DGKD: variants seen among roughly 807,000 people sequenced by gnomAD.
DGKD encodes the protein DAG kinase delta.
A neutral mutation model predicts 154.4 loss-of-function variants in DGKD; 68 were observed. That is an observed-to-expected ratio of 0.44 (90% CI 0.36 to 0.54). The LOEUF (loss-of-function observed/expected upper bound fraction) is 0.54, where lower values mean the gene tolerates loss of function less well. Ranked by LOEUF, DGKD falls within the 20% of genes least tolerant of loss-of-function variation. DGKD has a pLI of 0.00. For missense variants in DGKD, 1,343 were observed against 1,593.6 expected (o/e 0.84, Z 2.68); for synonymous variants, 693 against 638.0 (o/e 1.09, Z -1.30).
At chr2:233,356,182 G>A (rs1559464431) in intron 1 of DGKD, among the ~76,000 whole-genome samples, 1 of 152,192 alleles carries the variant, frequency 6.6e-6, no homozygotes, top group Non-Finnish European at 1.5e-5. Flanking sequence ...GGTAAGAAAT[G>A]GCCTTCTACA....
At chr2:233,406,753 CGAG>C in intron 3 of DGKD, among the ~76,000 whole-genome samples, 1 of 152,272 alleles carries the variant, frequency 6.6e-6, no homozygotes, top group Non-Finnish European at 1.5e-5. Context: ...ACAGAACAGA[CGAG>C]GAGCTCTTGT....
chr2:233,408,399 TG>T (rs1301713999), intron 3 of DGKD, among the ~76,000 whole-genome samples: 2 of 152,270 alleles, frequency 1.3e-5, no homozygotes, highest in African/African-American at 4.8e-5. Flanking sequence ...CTGCAACTGC[TG>T]GCCCAGGTCT....
intron 5 of DGKD, among the ~76,000 whole-genome samples, chr2:233,435,504 T>G (rs559077818): frequency 6.6e-6 from 1 of 152,316 alleles, no homozygotes; most frequent in South Asian, 2.1e-4. Flanking sequence ...TAAAAAAACA[T>G]TGTCTCTGGC....
intron 1 of DGKD, among the ~76,000 whole-genome samples, chr2:233,363,296 G>A (rs1033562038): frequency 1.3e-5 from 2 of 150,832 alleles, no homozygotes; most frequent in Non-Finnish European, 1.5e-5. Flanking sequence ...TAATGTGTGT[G>A]TTTGTTTCTT....
chr2:233,443,845 A>G (rs1220619119), intron 10 of DGKD, among the ~76,000 whole-genome samples: 1 of 152,228 alleles, frequency 6.6e-6, no homozygotes, highest in Non-Finnish European at 1.5e-5. Context: ...ACGTTCAGCC[A>G]AGGTCAGCAC....
intron 7 of DGKD, 68 bp from the exon 8 acceptor site, chr2:233,437,309 G>T: frequency 6.9e-7 from 1 of 1,443,884 alleles, no homozygotes; most frequent in East Asian, 2.3e-5. Flanking sequence ...CAGCTACAGG[G>T]CAGGAGGATT....
intron 26 of DGKD, among the ~76,000 whole-genome samples, chr2:233,463,347 TCTCA>T (rs1396421172): frequency 7.0e-6 from 1 of 143,454 alleles, no homozygotes; most frequent in Non-Finnish European, 1.5e-5. Context: ...ACTGCACGCA[TCTCA>T]CTCCACACAT....
intron 3 of DGKD, among the ~76,000 whole-genome samples, chr2:233,421,862 C>T (rs975587201): frequency 6.6e-6 from 1 of 152,214 alleles, no homozygotes; most frequent in South Asian, 2.1e-4. Flanking sequence ...TTTCTGTTTG[C>T]TCAAGTGAAA....
Position 233,457,300 on chromosome 2 carries a change from A to C in DGKD, c.2552A>C (p.Asn851Thr). The C allele has an allele frequency of 6.5e-7, 1 of 1,532,994 alleles. No individual in the cohort carries two copies. The highest frequency in any genetic ancestry group is 8.8e-7 in the Non-Finnish European group (1 of 1,140,088). 95.0% of individuals were successfully genotyped at this position (1,532,994 alleles called of 1,614,324 possible). ...LNIPSYAGGT[N>T]FWGGTKEDDT... ...ATTCCCAGCTATGCCGGAGGAACCA[A>C]CTTCTGGGGGGGTACCAAGGAAGAT... The change falls in exon 21 of 30, where the codon AAC (asparagine) becomes ACC (threonine). Residue 851 changes from asparagine (N) to threonine (T), a missense_variant. Around this residue, in one of 6 missense-constraint regions of DGKD, gnomAD observed 429 missense variants for 496.3 expected, o/e 0.86. Coordinates refer to ENST00000264057, the MANE Select transcript of DGKD (RefSeq NM_152879.3). This position sits in a 1 kb window ranked among gnomAD's most constrained non-coding sequence, Gnocchi z 5.5.
rs1559548210 is a variant in DGKD at position 233,438,127 on chromosome 2, T to TA, written c.923-90_923-89insA. 1.5e-5 allele frequency: 22 copies of TA among 1,448,528 alleles called. No individual in the cohort carries two copies. The highest frequency in any genetic ancestry group is 1.9e-5 in the Non-Finnish European group (20 of 1,055,512). 89.7% of individuals were successfully genotyped at this position (1,448,528 alleles called of 1,614,324 possible). A position where few individuals can be genotyped will look rare whatever the true frequency, so the allele number is the denominator to read the frequency against. On this transcript the variant is annotated intron_variant, in intron 8 of 29. Coordinates refer to ENST00000264057, the MANE Select transcript of DGKD (RefSeq NM_152879.3). This position sits in a 1 kb window ranked among gnomAD's most constrained non-coding sequence, Gnocchi z 4.1. Reference sequence around the variant, plus strand: ...GTGCATGTGTCAGGTGTGTGTCCTTTGGGGGGGTCTGCTGCTGCTGATTCC... The same window carrying TA: ...GTGCATGTGTCAGGTGTGTGTCCTTTAGGGGGGGTCTGCTGCTGCTGATTCC...
At chr2:233,355,955 G>A (rs1701515525) in intron 1 of DGKD, among the ~76,000 whole-genome samples, 1 of 152,232 alleles carries the variant, frequency 6.6e-6, no homozygotes, top group South Asian at 2.1e-4. Context: ...GGTCGTAAAT[G>A]TGGATGTGTG....
chr2:233,441,727 T>C lies in DGKD; in HGVS notation c.1086-160T>C, dbSNP rs2062896908. 6.6e-6 allele frequency among the ~76,000 whole-genome samples: 1 copy of C among 151,950 alleles called. No homozygotes were observed. Among genetic ancestry groups the C allele is most frequent in the Admixed American group, 6.6e-5 (1 of 15,256 alleles). On this transcript the variant is annotated intron_variant, in intron 9 of 29. Transcript: ENST00000264057. This position sits in a 1 kb window ranked among gnomAD's most constrained non-coding sequence, Gnocchi z 5.6. ...TCCCTTTGACAAAGTGGACCCTGAG[T>C]GGAGGCGGCTGGTGTCACGTGGCAG... is the stretch of plus-strand genomic sequence containing the variant.
chr2:233,433,311 CTTAATG>C (rs1488041833), intron 3 of DGKD, among the ~76,000 whole-genome samples: 1 of 151,958 alleles, frequency 6.6e-6, no homozygotes, highest in African/African-American at 2.4e-5. Context: ...CAGGAGGACC[CTTAATG>C]TTAAGTGAAG....
At chr2:233,396,362 C>A (rs955209546) in intron 3 of DGKD, among the ~76,000 whole-genome samples, 16 of 152,140 alleles carry the variant, frequency 1.1e-4, no homozygotes, top group African/African-American at 3.9e-4. Flanking sequence ...TTGTCTTGTT[C>A]TTTGGGAATT....
At chr2:233,385,330 A>G (rs1703115745) in intron 1 of DGKD, among the ~76,000 whole-genome samples, 1 of 152,086 alleles carries the variant, frequency 6.6e-6, no homozygotes, top group South Asian at 2.1e-4. Flanking sequence ...TGCTCTCGCC[A>G]ACTTCCTCTG....
chr2:233,454,473 GGA>G (rs767416402), intron 18 of DGKD: 2 of 490,592 alleles, frequency 4.1e-6, no homozygotes, highest in Non-Finnish European at 8.3e-6. Context: ...TGGTGAGGAT[GGA>G]GAGTTAGTTG....
At chr2:233,422,616 T>C (rs2062157336) in intron 3 of DGKD, among the ~76,000 whole-genome samples, 1 of 152,220 alleles carries the variant, frequency 6.6e-6, no homozygotes, top group African/African-American at 2.4e-5. Flanking sequence ...TACAGGACTT[T>C]AGATAAGATT....
chr2:233,471,969 A>G lies in DGKD; in HGVS notation c.*2509A>G, dbSNP rs1371943169. The G allele has an allele frequency of 6.6e-6, 1 of 152,390 alleles. No individual in the cohort carries two copies. Among genetic ancestry groups the G allele is most frequent in the Non-Finnish European group, 1.5e-5 (1 of 68,066 alleles). 9.4% of individuals were successfully genotyped at this position (152,390 alleles called of 1,614,324 possible). On this transcript the variant is annotated 3_prime_UTR_variant, in exon 30 of 30. Coordinates refer to ENST00000264057, the MANE Select transcript of DGKD (RefSeq NM_152879.3). ...GTGGGGCTTACCCCCTCGTATTTAT[A>G]ATCTTAATTTATATAGTGACCACCG...
intron 3 of DGKD, among the ~76,000 whole-genome samples, chr2:233,403,301 C>G (rs1431684792): frequency 6.6e-6 from 1 of 152,040 alleles, no homozygotes; most frequent in East Asian, 2.0e-4. Flanking sequence ...GGCTCACACC[C>G]GTAATCCCAG....
Sources: gnomAD v4.1 joint callset for allele counts (sites outside exome capture counted in the v4.1 genomes callset) on GRCh38, gnomAD v4.1.1 for gene constraint, gnomAD v4.1.1 regional missense constraint, Gnocchi (gnomAD v3.1) non-coding constraint, MANE v1.5 for transcripts, NCBI Gene and HGNC (gene_info 2026-07-23, HGNC 2026-07-21) for gene names.